Variants in PRELID2 observed in about 807,000 individuals in gnomAD.
PRELID2 encodes the protein PRELI domain containing 2.
A neutral mutation model predicts 28.4 loss-of-function variants in PRELID2; 25 were observed. The observed-to-expected ratio is 0.88, with a 90% CI of 0.64 to 1.23. The LOEUF is 1.23. PRELID2 is among the 50% of genes most tolerant of loss of function. The pLI, the probability that PRELID2 is intolerant of heterozygous loss-of-function variation, is 0.00. For synonymous variants in PRELID2, 76 were observed against 71.6 expected, an observed-to-expected ratio of 1.06 and a Z score of -0.31; for missense variants, 201 against 214.4, an observed-to-expected ratio of 0.94 and a Z score of 0.39.
chr5:145,411,338 A>G, the PRELID2 span, among the ~76,000 whole-genome samples: 62,532 of 151,992 alleles, frequency 0.41, 13,248 homozygotes, highest in Admixed American at 0.49. Context: ...ACATGCCCCC[A>G]TGATTCAATT....
chr5:145,620,613 G>C (rs1010570020), intron 1 of PRELID2, among the ~76,000 whole-genome samples: 1 of 152,156 alleles, frequency 6.6e-6, no homozygotes, highest in Non-Finnish European at 1.5e-5. Flanking sequence ...GCTCATGCCT[G>C]TAATGCCAAC....
chr5:145,674,209 G>T (rs1011363946), intron 1 of PRELID2, among the ~76,000 whole-genome samples: 4 of 152,082 alleles, frequency 2.6e-5, no homozygotes, highest in Non-Finnish European at 5.9e-5. Context: ...TGCGCACAAC[G>T]TGCAGGTTTG....
intron 1 of PRELID2, among the ~76,000 whole-genome samples, chr5:145,577,824 C>T (rs1028701523): frequency 6.6e-6 from 1 of 152,124 alleles, no homozygotes; most frequent in African/African-American, 2.4e-5. Context: ...TCCACACTAA[C>T]AGGCCTCTTA....
chr5:145,251,885 C>T, the PRELID2 span, among the ~76,000 whole-genome samples: 1 of 152,246 alleles, frequency 6.6e-6, no homozygotes, highest in Non-Finnish European at 1.5e-5. Context: ...CTATTGACCT[C>T]ATCTGTCAGG....
At chr5:145,833,289 T>A (rs1237259920) in intron 1 of PRELID2, among the ~76,000 whole-genome samples, 5 of 152,130 alleles carry the variant, frequency 3.3e-5, no homozygotes, top group Non-Finnish European at 7.4e-5. Flanking sequence ...CTGCAGACGG[T>A]CAGCAACGCC....
intron 4 of PRELID2, among the ~76,000 whole-genome samples, chr5:145,814,756 C>T (rs1754183957): frequency 6.6e-6 from 1 of 151,668 alleles, no homozygotes; most frequent in Admixed American, 6.6e-5. Flanking sequence ...CCACAGTTCA[C>T]AGCAATAATC....
the PRELID2 span, among the ~76,000 whole-genome samples, chr5:145,355,019 T>G: frequency 6.6e-6 from 1 of 152,206 alleles, no homozygotes; most frequent in Non-Finnish European, 1.5e-5. Context: ...CTAGAACCAC[T>G]AACTAGTATG....
intron 1 of PRELID2, among the ~76,000 whole-genome samples, chr5:145,650,414 T>C (rs1754270247): frequency 1.3e-5 from 2 of 151,674 alleles, no homozygotes; most frequent in African/African-American, 4.8e-5. Context: ...AAATGTATCA[T>C]TCCGCCTGTT....
At chr5:145,407,010 G>T in the PRELID2 span, among the ~76,000 whole-genome samples, 1 of 152,098 alleles carries the variant, frequency 6.6e-6, no homozygotes, top group Non-Finnish European at 1.5e-5. Context: ...ATTAGGGTGG[G>T]GTCACAGGTT....
intron 1 of PRELID2, among the ~76,000 whole-genome samples, chr5:145,681,966 T>C (rs1253428414): frequency 6.6e-6 from 1 of 152,224 alleles, no homozygotes; most frequent in East Asian, 1.9e-4. Context: ...AGATGCTGAC[T>C]GAAGGTTTTC....
the PRELID2 span, among the ~76,000 whole-genome samples, chr5:145,285,938 C>T: frequency 1.3e-5 from 2 of 152,296 alleles, no homozygotes; most frequent in Admixed American, 1.3e-4. Context: ...GTGCAAGAGG[C>T]TAAGGACTGG....
At chr5:145,745,896 A>T (rs1373522731) in intron 1 of PRELID2, among the ~76,000 whole-genome samples, 2 of 151,670 alleles carry the variant, frequency 1.3e-5, no homozygotes, top group African/African-American at 4.9e-5. Context: ...TCAATCCAGA[A>T]TTTCATATCC....
intron 1 of PRELID2, among the ~76,000 whole-genome samples, chr5:145,718,512 T>C (rs1755901466): frequency 6.6e-6 from 1 of 151,922 alleles, no homozygotes; most frequent in East Asian, 1.9e-4. Flanking sequence ...AAATTCCCAG[T>C]CAAATTTCAA....
the PRELID2 span, among the ~76,000 whole-genome samples, chr5:145,357,749 C>T: frequency 1.9e-4 from 29 of 152,126 alleles, no homozygotes; most frequent in Admixed American, 9.2e-4. Flanking sequence ...TCTGACATTT[C>T]GGCCATTTTA....
chr5:145,747,990 GT>G (rs1427258541), intron 1 of PRELID2, among the ~76,000 whole-genome samples: 1 of 151,094 alleles, frequency 6.6e-6, no homozygotes, highest in African/African-American at 2.5e-5. Flanking sequence ...AATAAACTAG[GT>G]ATTGATGGAA....
At chr5:145,833,988 C>G (rs1376747022) in intron 1 of PRELID2, among the ~76,000 whole-genome samples, 1 of 152,236 alleles carries the variant, frequency 6.6e-6, no homozygotes, top group African/African-American at 2.4e-5. Flanking sequence ...GTCCAGGAGT[C>G]CTGCCTCCCA....
At chr5:145,440,298 G>A in the PRELID2 span, among the ~76,000 whole-genome samples, 1 of 152,026 alleles carries the variant, frequency 6.6e-6, no homozygotes, top group African/African-American at 2.4e-5. Flanking sequence ...AACAGAAATC[G>A]ATTTTGCCTG....
chr5:145,641,942 C>A (rs141761980), intron 1 of PRELID2, among the ~76,000 whole-genome samples: 12,067 of 152,196 alleles, frequency 0.079, 650 homozygotes, highest in Admixed American at 0.18. Flanking sequence ...GGTTCCAAGT[C>A]TTTGCTACTG....
chr5:145,680,651 T>C (rs1475984736), intron 1 of PRELID2, among the ~76,000 whole-genome samples: 2 of 152,210 alleles, frequency 1.3e-5, no homozygotes, highest in African/African-American at 4.8e-5. Flanking sequence ...AGAGAGAGAA[T>C]TGCCAAGAGG....
Sources: gnomAD v4.1 joint callset for allele counts (sites outside exome capture counted in the v4.1 genomes callset) on GRCh38, gnomAD v4.1.1 for gene constraint, MANE v1.5 for transcripts, NCBI Gene and HGNC (gene_info 2026-07-23, HGNC 2026-07-21) for gene names.